Variants in DST observed in about 807,000 individuals in gnomAD.
DST encodes the protein bullous pemphigoid antigen.
In DST, 253 loss-of-function variants were observed where a neutral mutation model predicts 875.2. The observed-to-expected ratio is 0.29, with a 90% CI of 0.26 to 0.32. The LOEUF is 0.32. Ranked by LOEUF, DST falls within the 10% of genes least tolerant of loss-of-function variation. The pLI is 1.00. For missense variants in DST, 8,287 were observed against 9,111.6 expected (o/e 0.91, Z 3.68); for synonymous variants, 3,124 against 3,197.1 (o/e 0.98, Z 0.77).
chr6:56,671,667 G>A (rs2099102098), intron 9 of DST, among the ~76,000 whole-genome samples: 1 of 152,022 alleles, frequency 6.6e-6, no homozygotes, highest in Non-Finnish European at 1.5e-5. Flanking sequence ...ACTTTACCAG[G>A]GGTCACACAG....
At chr6:56,618,709 A>C in intron 36 of DST, 1 of 1,613,922 alleles carries the variant, frequency 6.2e-7, no homozygotes, top group Non-Finnish European at 8.5e-7. Flanking sequence ...AGTCAAGCCT[A>C]ATGCCTGAAA....
At chr6:56,466,860 C>T (rs2094599446) in intron 98 of DST, 1 of 152,166 alleles carries the variant, frequency 6.6e-6, no homozygotes, top group Non-Finnish European at 1.5e-5. Flanking sequence ...GCCAATGACA[C>T]ATTATTAATG....
At chr6:56,596,833 G>A (rs2098393945) in intron 47 of DST, among the ~76,000 whole-genome samples, 1 of 152,196 alleles carries the variant, frequency 6.6e-6, no homozygotes, top group African/African-American at 2.4e-5. Context: ...TCTTATAGTA[G>A]CATTAATGTT....
chr6:56,921,007 G>A (rs1030650178), intron 2 of DST, among the ~76,000 whole-genome samples: 8 of 144,860 alleles, frequency 5.5e-5, no homozygotes, highest in African/African-American at 1.8e-4. Flanking sequence ...ACCTCCCAAA[G>A]TGCTGGGATT....
At chr6:56,621,365 T>C (rs1421524141) in intron 36 of DST, among the ~76,000 whole-genome samples, 1 of 152,226 alleles carries the variant, frequency 6.6e-6, no homozygotes, top group Non-Finnish European at 1.5e-5. Flanking sequence ...TGTTTATACT[T>C]GCCATATTAT....
rs574140788 is a variant in DST, at chr6:56,774,902, G to A, written c.626-39613C>T. ...AGCTACTTGGGAGGCTGAGGCAGGA[G>A]AATCGCTGGAACCCGGGAGGCAGAG... On this transcript the variant is annotated intron_variant, in intron 4 of 103. Transcript: ENST00000680361. 9.4e-5 allele frequency among the ~76,000 whole-genome samples: 14 copies of A among 148,906 alleles called. No homozygotes were observed. In the South Asian group the frequency reaches 3.0e-3, roughly 32 times the overall value.
rs2152753232 is a variant in DST at position 56,628,107 on chromosome 6, G to A, written c.4530C>T (p.Tyr1510=). 6.2e-7 allele frequency: 1 copy of A among 1,613,668 alleles called. No homozygotes were observed. The highest frequency in any genetic ancestry group is 1.1e-5 in the South Asian group (1 of 91,070). ...GCTGGATCCAATCATCTAAAGGATG[G>A]TAAGTGTCTCTGTAGTACTTCAGTG... ...GKSLKYYRDT[Y]HPLDDWIQQV... is the part of the protein sequence containing the mutation. Residue 1510 remains tyrosine, a synonymous_variant, in exon 33 of 104, where the codon TAC becomes TAT. Coordinates refer to ENST00000680361, the MANE Select transcript of DST (RefSeq NM_001374736.1).
intron 3 of DST, among the ~76,000 whole-genome samples, chr6:56,892,349 T>C (rs1021033486): frequency 2.9e-4 from 42 of 145,724 alleles, no homozygotes; most frequent in Non-Finnish European, 5.1e-4. Context: ...TTTCAGACAG[T>C]GTCTTGCTCT....
At chr6:56,674,320 C>T (rs1002824176) in intron 9 of DST, among the ~76,000 whole-genome samples, 37 of 151,002 alleles carry the variant, frequency 2.5e-4, no homozygotes, top group Admixed American at 1.9e-3. Flanking sequence ...TTTTTTAAGA[C>T]GGAGTCTCAC....
Position 56,640,702 on chromosome 6 carries a change from G to A in DST, c.2028-97C>T, listed in dbSNP as rs1203484917. On this transcript the variant is annotated intron_variant, in intron 17 of 103. Transcript: ENST00000680361. The stretch of plus-strand genomic sequence containing the variant: ...ATTATAGGTTTTAGTTAATAATGAT[G>A]TATCAATGTTGGCTTATCAGTTTTA... 11 of 980,196 alleles carry A rather than the reference G, an allele frequency of 1.1e-5. No homozygotes were observed. In the Admixed American group the frequency reaches 2.0e-4, roughly 18 times the overall value. 60.7% of individuals were successfully genotyped at this position (980,196 alleles called of 1,614,324 possible).
At position 56,954,519 on chromosome 6, in the gene DST, C is replaced by T. The variant is rs775187530; in HGVS notation, c.69G>A (p.Leu23=). The T allele has an allele frequency of 7.3e-7, 1 of 1,367,370 alleles. No homozygotes were observed. The highest frequency in any genetic ancestry group is 1.5e-5 in the African/African-American group (1 of 67,724). The allele number at this position is 1,367,370 out of a possible 1,614,324, so 84.7% of individuals were successfully genotyped here. The change falls in exon 1 of 104, where the codon TTG becomes TTA. Residue 23 remains leucine (L), a synonymous_variant. Transcript: ENST00000680361. ...TGGTGGCGATGGTGCCCAGCAGAAG[C>T]AACAAGAGGAAGAGGGCACATTGGA... ...YSIQCALFLL[L]LLLGTIATIV...
chr6:56,853,844 C>T (rs971476859), intron 3 of DST, among the ~76,000 whole-genome samples: 17 of 151,896 alleles, frequency 1.1e-4, no homozygotes, highest in Non-Finnish European at 5.9e-5. Flanking sequence ...CATTGGTAAA[C>T]AGATAAGAGA....
chr6:56,559,699 T>G (rs1456285558), intron 58 of DST, among the ~76,000 whole-genome samples: 1 of 152,076 alleles, frequency 6.6e-6, no homozygotes, highest in Non-Finnish European at 1.5e-5. Context: ...ACTCATTTTC[T>G]ACATCATTAT....
rs1354008737 is a variant in DST at position 56,606,006 on chromosome 6, C to T, written c.8622G>A (p.Arg2874=). ...HSCSSLEKQQ[R]VNVVQLASPS... ...GTGATGCTAGCTGTACAACATTTAC[C>T]CTTTGCTGTTTTTCTAAAGAGCTAC... The change falls in exon 40 of 104, where the codon AGG becomes AGA. Residue 2874 remains arginine (R), a synonymous_variant. Coordinates refer to ENST00000680361, the MANE Select transcript of DST (RefSeq NM_001374736.1). 6.2e-7 allele frequency: 1 copy of T among 1,612,626 alleles called. No homozygotes were observed. The highest frequency in any genetic ancestry group is 1.1e-5 in the South Asian group (1 of 91,014).
chr6:56,783,188 A>C (rs1272768262), intron 4 of DST, among the ~76,000 whole-genome samples: 2 of 152,152 alleles, frequency 1.3e-5, no homozygotes, highest in East Asian at 3.8e-4. Flanking sequence ...TGCTGAAAAA[A>C]ATGTATATTC....
intron 4 of DST, among the ~76,000 whole-genome samples, chr6:56,752,891 A>C (rs2099591861): frequency 6.6e-6 from 1 of 152,086 alleles, no homozygotes; most frequent in Non-Finnish European, 1.5e-5. Flanking sequence ...TCCCGGGTTC[A>C]AGCAATTCTC....
intron 36 of DST, chr6:56,615,428 C>A (rs1332544842): frequency 6.3e-7 from 1 of 1,593,296 alleles, no homozygotes; most frequent in African/African-American, 1.3e-5. Flanking sequence ...AATTCACAGA[C>A]TGCATATGTA....
intron 4 of DST, among the ~76,000 whole-genome samples, chr6:56,767,063 C>A (rs1187668383): frequency 6.6e-6 from 1 of 152,112 alleles, no homozygotes; most frequent in African/African-American, 2.4e-5. Context: ...AAAAACATTT[C>A]TTTGGCTTGG....
At chr6:56,854,445 G>T (rs1469690625) in intron 3 of DST, among the ~76,000 whole-genome samples, 3 of 151,794 alleles carry the variant, frequency 2.0e-5, no homozygotes, top group Non-Finnish European at 4.4e-5. Context: ...TCCATCAATA[G>T]GAGACTGTTT....
Sources: allele counts gnomAD v4.1 joint callset (sites outside exome capture counted in the v4.1 genomes callset), GRCh38; gene constraint gnomAD v4.1.1; transcripts MANE v1.5; gene names NCBI Gene and HGNC (gene_info 2026-07-23, HGNC 2026-07-21).